Variants in OGA observed in about 807,000 individuals in gnomAD.
OGA encodes O-GlcNAcase, also known as protein O-GlcNAcase.
Under a neutral mutation model 102.0 loss-of-function variants are expected in OGA, and 21 were observed. The ratio of observed to expected loss-of-function variants is 0.21; its 90% CI spans 0.15 to 0.30. The LOEUF is 0.30. Among genes scored for constraint, OGA ranks in the 10% least tolerant of loss-of-function variants. The probability of loss-of-function intolerance (pLI) is 1.00; values close to 1 mark genes in which losing one functional copy is unlikely to be tolerated. For synonymous variants in OGA, 408 were observed against 378.2 expected, an observed-to-expected ratio of 1.08 and a Z score of -0.91; for missense variants, 765 against 1,107.8, an observed-to-expected ratio of 0.69 and a Z score of 4.39.
chr10:101,798,064 T>G lies in OGA; in HGVS notation c.1900A>C (p.Arg634=), dbSNP rs2065338734. The G allele has an allele frequency of 6.2e-7, 1 of 1,613,612 alleles. No individual in the cohort carries two copies. Among genetic ancestry groups the G allele is most frequent in the African/African-American group, 1.3e-5 (1 of 74,918 alleles). ...MFTRLSNCAN[R]TILYDMYSYV... Reference sequence around the variant, plus strand: ...GAGTACATGTCATAAAGAATTGTCCTGTTGGCACAATTGGAGAGCCGAGTG... The same window carrying G: ...GAGTACATGTCATAAAGAATTGTCCGGTTGGCACAATTGGAGAGCCGAGTG... The change falls in exon 10 of 16, where the codon AGG becomes CGG. Residue 634 remains arginine, a synonymous_variant. Coordinates refer to ENST00000361464, the MANE Select transcript of OGA (RefSeq NM_012215.5).
At chr10:101,816,252 G>A (rs1589844002) in intron 1 of OGA, among the ~76,000 whole-genome samples, 1 of 152,286 alleles carries the variant, frequency 6.6e-6, no homozygotes, top group East Asian at 1.9e-4. Flanking sequence ...GACAGAGCGA[G>A]ACTCCGTCTC....
At position 101,786,658 on chromosome 10, in the gene OGA, A is replaced by C. The variant is rs566245446; in HGVS notation, c.2615-71T>G. 9.7e-6 allele frequency: 12 copies of C among 1,242,124 alleles called. No individual in the cohort carries two copies. The East Asian group carries it at 1.1e-4, about 11-fold the overall frequency. 76.9% of individuals were successfully genotyped at this position (1,242,124 alleles called of 1,614,324 possible). A position where few individuals can be genotyped will look rare whatever the true frequency, so the allele number is the denominator to read the frequency against. On this transcript the variant is annotated intron_variant, in intron 15 of 15. Transcript: ENST00000361464. ...AGTATAATTATAGATATAAAACTAT[A>C]ATCTTCGAGATGGTTAATATAAACA...
At chr10:101,816,756 T>G (rs556554753) in intron 1 of OGA, among the ~76,000 whole-genome samples, 12 of 152,332 alleles carry the variant, frequency 7.9e-5, no homozygotes, top group South Asian at 2.1e-4. Context: ...TAGCCTGTTA[T>G]GGTCTGTACC....
intron 3 of OGA, 123 bp downstream of exon 3, chr10:101,812,907 G>A: frequency 1.2e-6 from 1 of 806,320 alleles, no homozygotes; most frequent in Non-Finnish European, 2.2e-6. Flanking sequence ...TTACCAGATA[G>A]AAGAAAAGGA....
chr10:101,817,743 T>G (rs924870308), intron 1 of OGA, 81 bp downstream of exon 1: 2 of 1,457,018 alleles, frequency 1.4e-6, no homozygotes, highest in Admixed American at 2.1e-5. Context: ...CCTTTTAGAG[T>G]CTCCAAAATC....
At chr10:101,817,375 T>C (rs1235139525) in intron 1 of OGA, among the ~76,000 whole-genome samples, 1 of 152,226 alleles carries the variant, frequency 6.6e-6, no homozygotes, top group Non-Finnish European at 1.5e-5. Context: ...TGAAATACTA[T>C]AGGCCAAACG....
chr10:101,792,431 G>A (rs1332815464), intron 12 of OGA, among the ~76,000 whole-genome samples: 1 of 152,168 alleles, frequency 6.6e-6, no homozygotes, highest in Non-Finnish European at 1.5e-5. Context: ...GTGAGCCACC[G>A]CGCCTGGCCC....
intron 14 of OGA, among the ~76,000 whole-genome samples, 183 bp downstream of exon 14, chr10:101,790,713 G>GA (rs1170100431): frequency 2.0e-5 from 3 of 152,134 alleles, no homozygotes; most frequent in Admixed American, 6.5e-5. Flanking sequence ...GGGAAACAGT[G>GA]AAAAATGTCA....
At position 101,784,496 on chromosome 10, in the gene OGA, G is replaced by A. The variant is rs369778694; in HGVS notation, c.*1955C>T. The A allele has an allele frequency of 6.6e-6, 1 of 152,582 alleles. No individual in the cohort carries two copies. Among genetic ancestry groups the A allele is most frequent in the East Asian group, 1.9e-4 (1 of 5,194 alleles). The allele number at this position is 152,582 out of a possible 1,614,324, so 9.5% of individuals were successfully genotyped here. A position where few individuals can be genotyped will look rare whatever the true frequency, so the allele number is the denominator to read the frequency against. On this transcript the variant is annotated 3_prime_UTR_variant, in exon 16 of 16. Coordinates refer to ENST00000361464, the MANE Select transcript of OGA (RefSeq NM_012215.5). Reference sequence around the variant, plus strand: ...CCTCTTGCATGGTCTTTTACAGTTCGTTTTCTACAGGAACTGAGCTCTGAT... The same window carrying A: ...CCTCTTGCATGGTCTTTTACAGTTCATTTTCTACAGGAACTGAGCTCTGAT...
At chr10:101,812,119 A>G (rs2065566414) in intron 3 of OGA, among the ~76,000 whole-genome samples, 1 of 152,224 alleles carries the variant, frequency 6.6e-6, no homozygotes, top group Non-Finnish European at 1.5e-5. Context: ...TGCGTATACC[A>G]TTTAATTTCA....
intron 1 of OGA, among the ~76,000 whole-genome samples, chr10:101,815,799 G>T (rs2065614066): frequency 6.6e-6 from 1 of 151,816 alleles, no homozygotes; most frequent in Admixed American, 6.6e-5. Flanking sequence ...CATGGTTTCG[G>T]TTGACTGGCA....
At chr10:101,789,990 TATAC>T in intron 14 of OGA, among the ~76,000 whole-genome samples, 1 of 152,218 alleles carries the variant, frequency 6.6e-6, no homozygotes, top group Non-Finnish European at 1.5e-5. Flanking sequence ...AACAACAACA[TATAC>T]TGATGTATAA....
chr10:101,791,789 C>T (rs903488449), intron 12 of OGA, among the ~76,000 whole-genome samples: 51 of 152,174 alleles, frequency 3.4e-4, no homozygotes, highest in African/African-American at 1.2e-3. Context: ...GCCTCAGCCT[C>T]CCAATTCGCT....
chr10:101,808,229 T>C (rs2065501634), intron 4 of OGA, among the ~76,000 whole-genome samples: 1 of 152,206 alleles, frequency 6.6e-6, no homozygotes, highest in African/African-American at 2.4e-5. Context: ...ATCCAAAATC[T>C]GAAATGCTCC....
chr10:101,786,293 CTCAAAGTGTG>C lies in OGA; in HGVS notation c.*148_*157del. 1 of 674,012 alleles carries C rather than the reference CTCAAAGTGTG, an allele frequency of 1.5e-6. No homozygotes were observed. Among genetic ancestry groups the C allele is most frequent in the Non-Finnish European group, 2.2e-6 (1 of 446,052 alleles). The allele number at this position is 674,012 out of a possible 1,614,324, so 41.8% of individuals were successfully genotyped here. A position where few individuals can be genotyped will look rare whatever the true frequency, so the allele number is the denominator to read the frequency against. On this transcript the variant is annotated 3_prime_UTR_variant, in exon 16 of 16. Coordinates refer to ENST00000361464, the MANE Select transcript of OGA (RefSeq NM_012215.5). ...TATATTCTTCCAACCAGTGAGTAGT[CTCAAAGTGTG>C]ATGGGTGAGTTTTACATAGTCTTCT...
intron 9 of OGA, among the ~76,000 whole-genome samples, chr10:101,798,494 T>C (rs1284637633): frequency 1.4e-5 from 2 of 144,800 alleles, no homozygotes; most frequent in Non-Finnish European, 3.0e-5. Context: ...CACTGCAAAC[T>C]CCGCCTCCCG....
chr10:101,806,265 C>T (rs1257796633), intron 5 of OGA, 122 bp from the exon 6 acceptor site: 4 of 576,904 alleles, frequency 6.9e-6, no homozygotes, highest in South Asian at 1.8e-5. Context: ...TGCAGTGGCA[C>T]GATCTCGGCT....
chr10:101,817,681 G>C, intron 1 of OGA, 143 bp downstream of exon 1: 2 of 940,140 alleles, frequency 2.1e-6, no homozygotes, highest in South Asian at 1.7e-5. Context: ...CCAACATCTC[G>C]TCTCTCCCCT....
In OGA at chr10:101,787,468, G is replaced by A; in HGVS notation, c.2510C>T (p.Ala837Val). 8 of 1,613,704 alleles carry A rather than the reference G, an allele frequency of 5.0e-6. No homozygotes were observed. Among genetic ancestry groups the A allele is most frequent in the Non-Finnish European group, 5.9e-6 (7 of 1,179,634 alleles). ...EQEVLPETFL[A>V]NFPSLIKMDI... ...CATCTTTATCAGAGAAGGGAAATTAGCAAGGAAAGTTTCTGGCAGTACTTC... is the reference window on the plus strand; with the variant it reads ...CATCTTTATCAGAGAAGGGAAATTAACAAGGAAAGTTTCTGGCAGTACTTC... The change falls in exon 15 of 16, where the codon GCT becomes GTT. Residue 837 changes from alanine (A) to valine (V), a missense_variant. Coordinates refer to ENST00000361464, the MANE Select transcript of OGA (RefSeq NM_012215.5).
Sources: gnomAD v4.1 joint callset for allele counts (sites outside exome capture counted in the v4.1 genomes callset) on GRCh38, gnomAD v4.1.1 for gene constraint, MANE v1.5 for transcripts, NCBI Gene and HGNC (gene_info 2026-07-23, HGNC 2026-07-21) for gene names.